CCDC148: variants seen among roughly 807,000 people sequenced by gnomAD.
CCDC148 encodes the protein coiled-coil domain containing 148.
In CCDC148, 89 loss-of-function variants were observed where a neutral mutation model predicts 85.7. The ratio of observed to expected loss-of-function variants is 1.04; its 90% confidence interval spans 0.87 to 1.24. The LOEUF (loss-of-function observed/expected upper bound fraction) is 1.24. Among genes scored for constraint, CCDC148 ranks in the 50% most tolerant of loss-of-function variants. CCDC148 has a pLI of 0.00. For synonymous variants in CCDC148, 230 were observed against 213.9 expected (o/e 1.08, Z -0.66); for missense variants, 692 against 671.7 (o/e 1.03, Z -0.33).
At chr2:158,355,900 G>C (rs907346313) in intron 2 of CCDC148, among the ~76,000 whole-genome samples, 6 of 131,740 alleles carry the variant, frequency 4.6e-5, no homozygotes, top group Non-Finnish European at 6.1e-5. Flanking sequence ...CAATGGAACA[G>C]AACAGAGCCC....
At chr2:158,368,801 T>C (rs890404590) in intron 1 of CCDC148, among the ~76,000 whole-genome samples, 1 of 152,062 alleles carries the variant, frequency 6.6e-6, no homozygotes, top group Non-Finnish European at 1.5e-5. Flanking sequence ...ATGATATTTA[T>C]CTATTTATGA....
At chr2:158,365,124 CAGA>C (rs1186614498) in intron 1 of CCDC148, among the ~76,000 whole-genome samples, 3 of 152,110 alleles carry the variant, frequency 2.0e-5, no homozygotes, top group Non-Finnish European at 4.4e-5. Context: ...TCATGCCAGT[CAGA>C]ATAACAATCA....
intron 9 of CCDC148, among the ~76,000 whole-genome samples, chr2:158,254,482 GTGA>G (rs1688929742): frequency 1.3e-5 from 2 of 151,584 alleles, no homozygotes; most frequent in South Asian, 4.1e-4. Flanking sequence ...TTGAAGTTAG[GTGA>G]TGATAGACTT....
At chr2:158,218,666 T>C (rs1374875263) in intron 11 of CCDC148, among the ~76,000 whole-genome samples, 2 of 152,226 alleles carry the variant, frequency 1.3e-5, no homozygotes, top group Non-Finnish European at 2.9e-5. Context: ...TCTGGTAGGA[T>C]AGCTTTAGAC....
At chr2:158,372,203 A>T (rs149028377) in intron 1 of CCDC148, among the ~76,000 whole-genome samples, 1 of 152,140 alleles carries the variant, frequency 6.6e-6, no homozygotes, top group East Asian at 1.9e-4. Context: ...GGTATAAATT[A>T]GGTATATGCT....
chr2:158,340,207 T>C (rs1682605921), intron 5 of CCDC148, 35 bp downstream of exon 5: 1 of 1,599,394 alleles, frequency 6.3e-7, no homozygotes, highest in East Asian at 2.2e-5. Context: ...AAAAATGAAA[T>C]ATTACATTAT....
chr2:158,331,006 C>T (rs1372205163), intron 7 of CCDC148, among the ~76,000 whole-genome samples: 2 of 152,138 alleles, frequency 1.3e-5, no homozygotes, highest in African/African-American at 4.8e-5. Context: ...GTCTCTATTT[C>T]CTTCAGTTCT....
In CCDC148 at chr2:158,265,415, G is replaced by A. The variant is rs370293797; in HGVS notation, c.1111-14503C>T. 2.0e-5 allele frequency among the ~76,000 whole-genome samples: 3 copies of A among 151,896 alleles called. No homozygotes were observed. In the East Asian group the frequency reaches 5.8e-4, roughly 29 times the overall value. On this transcript the variant is annotated intron_variant, in intron 9 of 13. Transcript: ENST00000283233. ...CATAAGAGTCAGTTTTTTCATACGT[G>A]TGACTCCTCTGCATCATATACATCC...
chr2:158,242,802 T>C (rs1294339390), intron 10 of CCDC148, among the ~76,000 whole-genome samples: 1 of 150,626 alleles, frequency 6.6e-6, no homozygotes, highest in African/African-American at 2.5e-5. Flanking sequence ...AACATATAGT[T>C]GAATAAAGGT....
chr2:158,291,823 A>G (rs1350697662), intron 9 of CCDC148, among the ~76,000 whole-genome samples: 1 of 152,260 alleles, frequency 6.6e-6, no homozygotes, highest in East Asian at 1.9e-4. Flanking sequence ...TTGAATGAGT[A>G]AATGAATAAA....
intron 7 of CCDC148, among the ~76,000 whole-genome samples, chr2:158,336,287 T>C (rs563468583): frequency 1.3e-5 from 2 of 152,348 alleles, no homozygotes; most frequent in African/African-American, 4.8e-5. Flanking sequence ...CCACCACCTC[T>C]GTATTTATTC....
At chr2:158,413,282 G>T (rs976281235) in intron 1 of CCDC148, among the ~76,000 whole-genome samples, 6 of 151,922 alleles carry the variant, frequency 3.9e-5, no homozygotes, top group Non-Finnish European at 7.4e-5. Context: ...TTCACAAAAG[G>T]AATGTTTTTC....
chr2:158,405,334 A>G (rs1251646375), intron 1 of CCDC148, among the ~76,000 whole-genome samples: 1 of 152,200 alleles, frequency 6.6e-6, no homozygotes, highest in Non-Finnish European at 1.5e-5. Flanking sequence ...GAACCTGCAA[A>G]CAATAATACA....
At chr2:158,365,101 A>G (rs1684138367) in intron 1 of CCDC148, among the ~76,000 whole-genome samples, 1 of 152,202 alleles carries the variant, frequency 6.6e-6, no homozygotes, top group South Asian at 2.1e-4. Flanking sequence ...CAAAACCACA[A>G]TGAGATACCA....
chr2:158,267,572 T>C (rs1450737262), intron 9 of CCDC148, among the ~76,000 whole-genome samples: 3 of 152,206 alleles, frequency 2.0e-5, no homozygotes, highest in Non-Finnish European at 4.4e-5. Context: ...AGCAGACATA[T>C]AATAGTATTA....
intron 11 of CCDC148, 138 bp downstream of exon 11, chr2:158,220,457 T>C (rs948265018): frequency 6.0e-5 from 37 of 619,566 alleles, no homozygotes; most frequent in Non-Finnish European, 9.5e-5. Flanking sequence ...GATATCATTG[T>C]ATTCATTTGT....
intron 1 of CCDC148, among the ~76,000 whole-genome samples, chr2:158,434,812 G>C (rs1320645000): frequency 6.6e-6 from 1 of 152,176 alleles, no homozygotes; most frequent in Non-Finnish European, 1.5e-5. Flanking sequence ...ACCATGGCAT[G>C]AGAACTACTT....
chr2:158,317,085 CACAG>C (rs1269385648), intron 7 of CCDC148, among the ~76,000 whole-genome samples: 1 of 152,088 alleles, frequency 6.6e-6, no homozygotes, highest in African/African-American at 2.4e-5. Context: ...AGCTAAATTG[CACAG>C]ACAGTGAAAA....
At chr2:158,440,740 T>C (rs1048939958) in intron 1 of CCDC148, among the ~76,000 whole-genome samples, 59 of 152,280 alleles carry the variant, frequency 3.9e-4, no homozygotes, top group African/African-American at 1.4e-3. Context: ...CTACAGAAAG[T>C]AAAATCACGA....
Sources: allele counts gnomAD v4.1 joint callset (sites outside exome capture counted in the v4.1 genomes callset), GRCh38; gene constraint gnomAD v4.1.1; transcripts MANE v1.5; gene names NCBI Gene and HGNC (gene_info 2026-07-23, HGNC 2026-07-21).